The following ARB2A variants were observed in gnomAD, a reference collection of about 807,000 sequenced individuals.
The protein encoded by ARB2A is cotranscriptional regulator ARB2A.
At chr5:93,809,666 A>G in the ARB2A span, among the ~76,000 whole-genome samples, 1 of 152,036 alleles carries the variant, frequency 6.6e-6, no homozygotes, top group Non-Finnish European at 1.5e-5. Flanking sequence ...ATTAGGTATC[A>G]GATGAAGTGC....
At chr5:93,787,370 C>A in the ARB2A span, among the ~76,000 whole-genome samples, 1 of 152,066 alleles carries the variant, frequency 6.6e-6, no homozygotes, top group African/African-American at 2.4e-5. Flanking sequence ...TCCTAAAGTT[C>A]CATGGCTTAA....
chr5:93,814,434 C>T, the ARB2A span, among the ~76,000 whole-genome samples: 294 of 152,164 alleles, frequency 1.9e-3, 2 homozygotes, highest in Admixed American at 4.2e-3. Context: ...GAAAACTAAC[C>T]ATAGCTCTGG....
the ARB2A span, among the ~76,000 whole-genome samples, chr5:94,106,376 T>C: frequency 6.6e-6 from 1 of 151,970 alleles, no homozygotes; most frequent in Non-Finnish European, 1.5e-5. Context: ...TATGAAAAAA[T>C]GCTCAACATC....
chr5:93,976,685 C>T, the ARB2A span, among the ~76,000 whole-genome samples: 8 of 152,218 alleles, frequency 5.3e-5, no homozygotes, highest in East Asian at 1.5e-3. Flanking sequence ...TTGCTTTCTG[C>T]TATGATTGTA....
the ARB2A span, among the ~76,000 whole-genome samples, chr5:94,067,428 T>C: frequency 2.6e-5 from 4 of 152,142 alleles, no homozygotes; most frequent in African/African-American, 4.8e-5. Context: ...ATCTTATATA[T>C]AGAAAAACCT....
chr5:94,086,069 G>C, the ARB2A span, among the ~76,000 whole-genome samples: 1 of 152,198 alleles, frequency 6.6e-6, no homozygotes, highest in Non-Finnish European at 1.5e-5. Flanking sequence ...GCAAGTTATT[G>C]ATAGTGTTTT....
chr5:93,932,301 C>G, the ARB2A span, among the ~76,000 whole-genome samples: 1 of 152,046 alleles, frequency 6.6e-6, no homozygotes, highest in Non-Finnish European at 1.5e-5. Context: ...CATGTGTGTG[C>G]CCAGGAAGGG....
At chr5:93,710,643 G>A in the ARB2A span, among the ~76,000 whole-genome samples, 16 of 152,210 alleles carry the variant, frequency 1.1e-4, no homozygotes, top group Middle Eastern at 3.4e-3. Flanking sequence ...TTAAAGAGAT[G>A]AGCCCACTCC....
the ARB2A span, among the ~76,000 whole-genome samples, chr5:93,868,807 A>G: frequency 6.6e-6 from 1 of 152,232 alleles, no homozygotes; most frequent in East Asian, 1.9e-4. Context: ...GTCTTAGAAT[A>G]AACTACTGTA....
chr5:94,093,913 G>A, the ARB2A span, among the ~76,000 whole-genome samples: 1 of 152,238 alleles, frequency 6.6e-6, no homozygotes, highest in East Asian at 1.9e-4. Context: ...TTCCAAAAGG[G>A]AGACTTAGAA....
At chr5:94,060,764 A>C in the ARB2A span, among the ~76,000 whole-genome samples, 1 of 152,214 alleles carries the variant, frequency 6.6e-6, no homozygotes, top group Non-Finnish European at 1.5e-5. Flanking sequence ...AATCTTCAAC[A>C]AAATATTAAT....
chr5:93,709,855 C>T, the ARB2A span, among the ~76,000 whole-genome samples: 3 of 151,932 alleles, frequency 2.0e-5, no homozygotes, highest in African/African-American at 7.3e-5. Flanking sequence ...TATAATTTTT[C>T]AAGTGATGAA....
the ARB2A span, among the ~76,000 whole-genome samples, chr5:94,065,765 C>T: frequency 6.6e-6 from 1 of 152,016 alleles, no homozygotes; most frequent in East Asian, 1.9e-4. Context: ...AGATAGATTC[C>T]AATAAAATAA....
chr5:93,711,274 G>C, the ARB2A span, among the ~76,000 whole-genome samples: 2 of 148,938 alleles, frequency 1.3e-5, no homozygotes, highest in African/African-American at 5.0e-5. Context: ...AAGTTGCCAA[G>C]GGTGATTTGA....
At chr5:93,778,433 G>GT in the ARB2A span, among the ~76,000 whole-genome samples, 1 of 152,126 alleles carries the variant, frequency 6.6e-6, no homozygotes, top group Non-Finnish European at 1.5e-5. Flanking sequence ...TGGATGATTT[G>GT]TTTTATCATT....
chr5:93,671,724 T>C, the ARB2A span, among the ~76,000 whole-genome samples: 2 of 152,108 alleles, frequency 1.3e-5, no homozygotes, highest in Non-Finnish European at 2.9e-5. Flanking sequence ...GAAAAAAAAG[T>C]TTGGAAAAAA....
At chr5:93,731,902 T>C in the ARB2A span, among the ~76,000 whole-genome samples, 2 of 152,216 alleles carry the variant, frequency 1.3e-5, no homozygotes, top group African/African-American at 4.8e-5. Context: ...ACCACAGTCT[T>C]TGGCAATAGA....
chr5:93,904,193 T>G, the ARB2A span, among the ~76,000 whole-genome samples: 6 of 151,932 alleles, frequency 3.9e-5, no homozygotes, highest in African/African-American at 1.4e-4. Flanking sequence ...AATGGTAAGT[T>G]GAATTGTTTA....
chr5:93,781,155 C>T, the ARB2A span, among the ~76,000 whole-genome samples: 1 of 152,100 alleles, frequency 6.6e-6, no homozygotes, highest in South Asian at 2.1e-4. Flanking sequence ...AGTTCTCATC[C>T]TTCATCTTCC....
Sources: gnomAD v4.1 joint callset for allele counts (sites outside exome capture counted in the v4.1 genomes callset) on GRCh38, gnomAD v4.1.1 for gene constraint, MANE v1.5 for transcripts, NCBI Gene and HGNC (gene_info 2026-07-23, HGNC 2026-07-21) for gene names.